The following BOC variants were observed in gnomAD, a reference collection of about 807,000 sequenced individuals.
BOC encodes BOC cell adhesion associated, oncogene regulated, also known as brother of CDO.
Under a neutral mutation model 112.0 loss-of-function variants are expected in BOC, and 76 were observed. That is an observed-to-expected ratio of 0.68 (90% CI 0.56 to 0.82). The LOEUF is 0.82. Ranked by LOEUF, BOC falls within the 40% of genes least tolerant of loss-of-function variation. The pLI is 0.00. For synonymous variants in BOC, 580 were observed against 599.8 expected (o/e 0.97, Z 0.48); for missense variants, 1,309 against 1,511.7 (o/e 0.87, Z 2.22).
chr3:113,282,422 T>G (rs1486774804), intron 15 of BOC, among the ~76,000 whole-genome samples: 1 of 151,964 alleles, frequency 6.6e-6, no homozygotes, highest in Non-Finnish European at 1.5e-5. Context: ...AAAATAAACT[T>G]CAAGGTTTCC....
intron 5 of BOC, chr3:113,269,277 C>CAA: frequency 6.6e-6 from 1 of 152,368 alleles, no homozygotes; most frequent in East Asian, 1.9e-4. Flanking sequence ...AGTGGACAGA[C>CAA]ACGGCAGCAG....
At position 113,278,214 on chromosome 3, in the gene BOC, CTG is replaced by C. The variant is rs1400643101; in HGVS notation, c.1665_1666del (p.Ala556GlyfsTer171). ...ATGAAGTGGAGATGGCAGCTTACAA[CTG>C]TGCGGGAGAGGGCCAGACAGCCATG... ...LYEVEMAAYN[C>X]AGEGQTAMVT... is the part of the protein sequence containing the mutation. On this transcript the variant is annotated frameshift_variant, in exon 10 of 20. Coordinates refer to ENST00000682979, the MANE Select transcript of BOC (RefSeq NM_001378074.1). LOFTEE classifies it high-confidence loss of function. The surrounding 1 kb of genome is among the most constrained non-coding windows in gnomAD (Gnocchi z 4.2). 6.2e-7 allele frequency: 1 copy of C among 1,614,228 alleles called. No individual in the cohort carries two copies. Among genetic ancestry groups the C allele is most frequent in the Admixed American group, 1.7e-5 (1 of 60,036 alleles).
chr3:113,214,613 T>C (rs768750678), intron 1 of BOC, among the ~76,000 whole-genome samples: 15 of 152,190 alleles, frequency 9.9e-5, no homozygotes, highest in Non-Finnish European at 2.2e-4. Flanking sequence ...CCAAAAGATA[T>C]TATATATTTG....
chr3:113,250,197 G>A (rs1375601465), intron 3 of BOC, among the ~76,000 whole-genome samples: 3 of 152,132 alleles, frequency 2.0e-5, no homozygotes, highest in Admixed American at 1.3e-4. Context: ...TACACATATC[G>A]TTTGCAAGAC....
At chr3:113,238,877 C>A (rs146713802) in intron 2 of BOC, among the ~76,000 whole-genome samples, 1 of 152,194 alleles carries the variant, frequency 6.6e-6, no homozygotes, top group Non-Finnish European at 1.5e-5. Flanking sequence ...TCCCAGTTAC[C>A]TTTTACTGTT....
Position 113,274,693 on chromosome 3 carries a change from G to A in BOC, c.1542+11G>A. 1 of 1,570,974 alleles carries A rather than the reference G, an allele frequency of 6.4e-7. No individual in the cohort carries two copies. The highest frequency in any genetic ancestry group is 1.2e-5 in the South Asian group (1 of 86,300). ...GTGAAACACCGCAAGGTATGGCCCT[G>A]GTGTGGGGCTGCTGCCTCCCCTGCA... On this transcript the variant is annotated intron_variant, in intron 9 of 19. Coordinates refer to ENST00000682979, the MANE Select transcript of BOC (RefSeq NM_001378074.1). The surrounding 1 kb of genome is among the most constrained non-coding windows in gnomAD (Gnocchi z 4.8).
rs780059699 is a variant in BOC, at chr3:113,274,528, C to T, written c.1388C>T (p.Pro463Leu). ...GTGGGGCCTGCTTCCCCGCAGTGTC[C>T]AGGAGAGAAGGGGCAGGGGGCTCCC... is the stretch of plus-strand genomic sequence containing the variant. ...TSVGPASPQC[P>L]GEKGQGAPAE... Residue 463 changes from proline (P) to leucine (L), a missense_variant, in exon 9 of 20, where the codon CCA (proline) becomes CTA (leucine). Transcript: ENST00000682979. The surrounding 1 kb of genome is among the most constrained non-coding windows in gnomAD (Gnocchi z 4.8). 3.1e-6 allele frequency: 5 copies of T among 1,613,394 alleles called. No homozygotes were observed. In the South Asian group the frequency reaches 3.3e-5, roughly 11 times the overall value.
Position 113,270,943 on chromosome 3 carries a change from C to T in BOC, c.666C>T (p.Arg222=), listed in dbSNP as rs1948043525. ...TSGSSDRLRV[R]RSTAEAARII... ...GCTCCAGCGACAGGCTACGTGTGCG[C>T]CGTAAGGCCCGGGCCCACCTGCTGG... Residue 222 remains arginine (R), a splice_region_variant and synonymous_variant, in exon 6 of 20, where the codon CGC becomes CGT. Coordinates refer to ENST00000682979, the MANE Select transcript of BOC (RefSeq NM_001378074.1). 2 of 1,614,154 alleles carry T rather than the reference C, an allele frequency of 1.2e-6. No homozygotes were observed. Among genetic ancestry groups the T allele is most frequent in the Non-Finnish European group, 1.7e-6 (2 of 1,180,030 alleles).
intron 2 of BOC, among the ~76,000 whole-genome samples, chr3:113,231,835 G>A (rs1430608586): frequency 6.6e-6 from 1 of 152,084 alleles, no homozygotes; most frequent in African/African-American, 2.4e-5. Flanking sequence ...GAGCTCATCT[G>A]TTCATTTAAT....
intron 4 of BOC, among the ~76,000 whole-genome samples, chr3:113,258,670 T>A (rs1946489016): frequency 6.6e-6 from 1 of 151,952 alleles, no homozygotes; most frequent in South Asian, 2.1e-4. Flanking sequence ...GGTGGCTTCC[T>A]AAGCTGCCCC....
chr3:113,281,609 C>T (rs1949208796), intron 15 of BOC, among the ~76,000 whole-genome samples: 1 of 152,202 alleles, frequency 6.6e-6, no homozygotes, highest in Non-Finnish European at 1.5e-5. Context: ...AGACCAGCCC[C>T]TTTCTGTTGC....
At chr3:113,241,607 G>A (rs1455349515) in intron 2 of BOC, among the ~76,000 whole-genome samples, 1 of 152,196 alleles carries the variant, frequency 6.6e-6, no homozygotes, top group East Asian at 1.9e-4. Flanking sequence ...AAAACAGAAA[G>A]AAAGTGGGAA....
intron 17 of BOC, 78 bp from the exon 18 acceptor site, chr3:113,284,704 C>T (rs1949509298): frequency 6.6e-7 from 1 of 1,524,314 alleles, no homozygotes; most frequent in Non-Finnish European, 9.1e-7. Flanking sequence ...GGAGCAGATG[C>T]TCCTGTTGTT....
Position 113,268,705 on chromosome 3 carries a change from C to T in BOC, c.523+260C>T, listed in dbSNP as rs77781411. 6.0e-3 allele frequency among the ~76,000 whole-genome samples: 910 copies of T among 152,330 alleles called. 7 individuals carry two copies. Among genetic ancestry groups the T allele is most frequent in the African/African-American group, 0.02 (838 of 41,570 alleles). ...CACTGCAGCCTCCATCACCAAGGCT[C>T]AAGAGATCCTCCTTCCTCAACCATC... On this transcript the variant is annotated intron_variant, in intron 5 of 19. Coordinates refer to ENST00000682979, the MANE Select transcript of BOC (RefSeq NM_001378074.1).
intron 19 of BOC, 48 bp from the exon 20 acceptor site, chr3:113,286,627 T>G (rs1949722476): frequency 6.9e-7 from 1 of 1,452,664 alleles, no homozygotes; most frequent in Non-Finnish European, 9.2e-7. Flanking sequence ...GGGTGTTGGC[T>G]CCTCGGTCAA....
intron 6 of BOC, chr3:113,271,290 G>A (rs888271928): frequency 2.0e-6 from 1 of 491,614 alleles, no homozygotes; most frequent in Admixed American, 2.3e-5. Flanking sequence ...GACACAGCAT[G>A]TGCCTAGAAC....
chr3:113,283,386 A>C (rs772819940), intron 15 of BOC, 25 bp from the exon 16 acceptor site: 2 of 1,564,230 alleles, frequency 1.3e-6, no homozygotes, highest in Admixed American at 3.8e-5. Flanking sequence ...ACATATGCTG[A>C]AGTGAGTTTT....
chr3:113,253,004 C>T (rs1389577419), intron 4 of BOC, among the ~76,000 whole-genome samples: 2 of 152,168 alleles, frequency 1.3e-5, no homozygotes, highest in Non-Finnish European at 1.5e-5. Flanking sequence ...TATCATTGTA[C>T]AGTTCCCACC....
chr3:113,227,512 C>T (rs2107670887), intron 2 of BOC, among the ~76,000 whole-genome samples: 1 of 152,314 alleles, frequency 6.6e-6, no homozygotes, highest in Middle Eastern at 3.4e-3. Context: ...CTGGCTGTGA[C>T]CAGCAGTCCT....
Sources: gnomAD v4.1 joint callset for allele counts (sites outside exome capture counted in the v4.1 genomes callset) on GRCh38, gnomAD v4.1.1 for gene constraint, Gnocchi (gnomAD v3.1) non-coding constraint, MANE v1.5 for transcripts, NCBI Gene and HGNC (gene_info 2026-07-23, HGNC 2026-07-21) for gene names.